The following MEOX2 variants were observed in gnomAD, a reference collection of about 807,000 sequenced individuals.
MEOX2 encodes the protein mesenchyme homeobox 2.
In MEOX2, 11 loss-of-function variants were observed where a neutral mutation model predicts 27.0. That is an observed-to-expected ratio of 0.41 (90% confidence interval 0.26 to 0.68). The LOEUF is 0.68. MEOX2 is among the 30% of genes least tolerant of loss of function. The pLI is 0.33. For synonymous variants in MEOX2, 189 were observed against 155.4 expected, an observed-to-expected ratio of 1.22 and a Z score of -1.61; for missense variants, 436 against 385.4, an observed-to-expected ratio of 1.13 and a Z score of -1.10.
intron 1 of MEOX2, among the ~76,000 whole-genome samples, chr7:15,672,745 A>T (rs1445629973): frequency 6.6e-6 from 1 of 152,072 alleles, no homozygotes; most frequent in Non-Finnish European, 1.5e-5. Context: ...ACAAAAAATT[A>T]GCCGGGTATG....
chr7:15,649,500 GTTC>G (rs1202808726), intron 1 of MEOX2, among the ~76,000 whole-genome samples: 3 of 152,050 alleles, frequency 2.0e-5, no homozygotes, highest in African/African-American at 7.2e-5. Context: ...ATTTATGATA[GTTC>G]TTCTAGAAAG....
At chr7:15,681,352 T>C (rs1421779843) in intron 1 of MEOX2, 1 of 151,696 alleles carries the variant, frequency 6.6e-6, no homozygotes, top group Non-Finnish European at 1.5e-5. Context: ...ATAAAAACAC[T>C]AAATGAATAA....
intron 2 of MEOX2, among the ~76,000 whole-genome samples, chr7:15,618,976 C>T (rs4527783): frequency 0.99 from 149,936 of 152,086 alleles, 73,910 homozygotes; most frequent in East Asian, 1. Context: ...CTATTCTAAA[C>T]TGAATGCATC....
At chr7:15,624,217 T>C (rs1781262630) in intron 2 of MEOX2, among the ~76,000 whole-genome samples, 1 of 152,314 alleles carries the variant, frequency 6.6e-6, no homozygotes, top group Non-Finnish European at 1.5e-5. Flanking sequence ...AAAGCCTTAG[T>C]TTTGATTAGG....
intron 1 of MEOX2, 147 bp downstream of exon 1, chr7:15,685,739 C>T: frequency 8.8e-7 from 1 of 1,138,924 alleles, no homozygotes; most frequent in Non-Finnish European, 1.2e-6. Context: ...AAAGCTTCAC[C>T]GCCGAATTTG....
intron 1 of MEOX2, among the ~76,000 whole-genome samples, chr7:15,658,330 GGAT>G (rs1355385972): frequency 6.6e-6 from 1 of 152,176 alleles, no homozygotes; most frequent in Non-Finnish European, 1.5e-5. Flanking sequence ...TCACTAGTGT[GGAT>G]GCAGAAGCAG....
intron 1 of MEOX2, among the ~76,000 whole-genome samples, chr7:15,676,891 AT>A (rs1239480956): frequency 6.6e-6 from 1 of 151,758 alleles, no homozygotes. Flanking sequence ...TTTATTCTTT[AT>A]TTTGCTCAAT....
intron 2 of MEOX2, among the ~76,000 whole-genome samples, chr7:15,624,833 T>A (rs879725581): frequency 6.6e-6 from 1 of 152,160 alleles, no homozygotes; most frequent in Non-Finnish European, 1.5e-5. Context: ...GTTAAAAGAA[T>A]CTTTAAAACA....
At chr7:15,639,840 C>T (rs1382895437) in intron 1 of MEOX2, among the ~76,000 whole-genome samples, 1 of 152,078 alleles carries the variant, frequency 6.6e-6, no homozygotes, top group Non-Finnish European at 1.5e-5. Flanking sequence ...TGTACCAGTA[C>T]CAAACTGTTT....
intron 1 of MEOX2, among the ~76,000 whole-genome samples, chr7:15,633,968 G>A (rs935134632): frequency 6.6e-6 from 1 of 151,842 alleles, no homozygotes; most frequent in African/African-American, 2.4e-5. Flanking sequence ...AAAAGGAAAA[G>A]TATCATTTAT....
chr7:15,648,286 T>C (rs1781680408), intron 1 of MEOX2, among the ~76,000 whole-genome samples: 1 of 152,090 alleles, frequency 6.6e-6, no homozygotes, highest in Non-Finnish European at 1.5e-5. Flanking sequence ...ATTATTTAAA[T>C]GAATAAAAAG....
At chr7:15,614,889 C>T (rs998553679) in intron 2 of MEOX2, among the ~76,000 whole-genome samples, 4 of 152,050 alleles carry the variant, frequency 2.6e-5, no homozygotes, top group Admixed American at 6.6e-5. Flanking sequence ...CTTCAAATCA[C>T]GATGCTTCAT....
intron 2 of MEOX2, among the ~76,000 whole-genome samples, chr7:15,614,240 A>AG (rs1562593074): frequency 6.8e-6 from 1 of 147,804 alleles, no homozygotes; most frequent in Non-Finnish European, 1.5e-5. Context: ...AAAATAAAAT[A>AG]AAATAAAATA....
At chr7:15,627,151 T>C (rs1583747498) in intron 1 of MEOX2, among the ~76,000 whole-genome samples, 1 of 152,060 alleles carries the variant, frequency 6.6e-6, no homozygotes, top group Admixed American at 6.6e-5. Context: ...GTAATTTTCT[T>C]CTTATAAAAT....
At chr7:15,661,305 A>G (rs1416414612) in intron 1 of MEOX2, among the ~76,000 whole-genome samples, 3 of 152,156 alleles carry the variant, frequency 2.0e-5, no homozygotes, top group Non-Finnish European at 4.4e-5. Context: ...GTATTCACTC[A>G]CATCTCTAAT....
intron 1 of MEOX2, among the ~76,000 whole-genome samples, chr7:15,657,185 C>T (rs996939291): frequency 6.6e-6 from 1 of 151,962 alleles, no homozygotes; most frequent in Non-Finnish European, 1.5e-5. Flanking sequence ...TTGTGTTTAT[C>T]CTTTTTAGGA....
At chr7:15,624,080 A>G (rs1005196655) in intron 2 of MEOX2, among the ~76,000 whole-genome samples, 4 of 152,198 alleles carry the variant, frequency 2.6e-5, no homozygotes, top group African/African-American at 9.6e-5. Context: ...TTTAATTTCC[A>G]TTTTATGCCT....
chr7:15,612,483 C>T lies in MEOX2; in HGVS notation c.819G>A (p.Ser273=), dbSNP rs369466492. Residue 273 remains serine (S), a synonymous_variant, in exon 3 of 3, where the codon TCG becomes TCA. Coordinates refer to ENST00000262041, the MANE Select transcript of MEOX2 (RefSeq NM_005924.5). ...KKGTLLPSEL[S]GIGAATLQQT... ...GCTGGAGGGTGGCTGCACCAATTCC[C>T]GACAGCTCTGATGGGAGAAGTGTTC... 2 of 1,614,110 alleles carry T rather than the reference C, an allele frequency of 1.2e-6. No individual in the cohort carries two copies. Among genetic ancestry groups the T allele is most frequent in the South Asian group, 1.1e-5 (1 of 91,080 alleles).
At chr7:15,645,919 T>A (rs1781639870) in intron 1 of MEOX2, among the ~76,000 whole-genome samples, 2 of 152,132 alleles carry the variant, frequency 1.3e-5, no homozygotes, top group African/African-American at 2.4e-5. Context: ...TAAAGGAAAG[T>A]GTTTCTGGTT....
Sources: allele counts gnomAD v4.1 joint callset (sites outside exome capture counted in the v4.1 genomes callset), GRCh38; gene constraint gnomAD v4.1.1; transcripts MANE v1.5; gene names NCBI Gene and HGNC (gene_info 2026-07-23, HGNC 2026-07-21).